The following CMTM7 variants were observed in gnomAD, a reference collection of about 807,000 sequenced individuals.
CMTM7 encodes CKLF-like MARVEL transmembrane domain-containing protein 7.
In CMTM7, 7 loss-of-function variants were observed where a neutral mutation model predicts 19.3. The observed-to-expected ratio is 0.36, with a 90% confidence interval of 0.21 to 0.68. CMTM7 has a LOEUF of 0.68. Ranked by LOEUF, CMTM7 falls within the 30% of genes least tolerant of loss-of-function variation. The pLI is 0.60. For synonymous variants in CMTM7, 87 were observed against 99.3 expected (o/e 0.88, Z 0.74); for missense variants, 193 against 232.6 (o/e 0.83, Z 1.11).
chr3:32,412,164 T>G (rs1696187226), intron 1 of CMTM7, among the ~76,000 whole-genome samples: 1 of 151,930 alleles, frequency 6.6e-6, no homozygotes, highest in Admixed American at 6.6e-5. Context: ...AATGATGCAG[T>G]GGGCATGTTA....
chr3:32,413,241 C>T (rs1260451149), intron 1 of CMTM7, among the ~76,000 whole-genome samples: 1 of 152,154 alleles, frequency 6.6e-6, no homozygotes, highest in African/African-American at 2.4e-5. Flanking sequence ...CGCTGTTTTA[C>T]GGTATGCAGT....
At chr3:32,429,141 T>G (rs1696476507) in intron 1 of CMTM7, among the ~76,000 whole-genome samples, 1 of 152,228 alleles carries the variant, frequency 6.6e-6, no homozygotes, top group Non-Finnish European at 1.5e-5. Context: ...ACAGAATTAT[T>G]ATTTTATAGT....
At position 32,412,480 on chromosome 3, in the gene CMTM7, GACACACACACACACACACAC is replaced by G. The variant is rs3081435; in HGVS notation, c.159+20456_159+20475del. Among the ~76,000 whole-genome samples, 1,068 of 120,468 alleles carry G rather than the reference GACACACACACACACACACAC, an allele frequency of 8.9e-3. 12 individuals carry two copies. The highest frequency in any genetic ancestry group is 0.012 in the Non-Finnish European group (700 of 59,572). 79.0% of individuals were successfully genotyped at this position (120,468 alleles called of 152,430 possible). A position where few individuals can be genotyped will look rare whatever the true frequency, so the allele number is the denominator to read the frequency against. On this transcript the variant is annotated intron_variant, in intron 1 of 4. Transcript: ENST00000334983. The stretch of plus-strand genomic sequence containing the variant: ...CCAGCCTGGGCAACAGATTGAGACT[GACACACACACACACACACAC>G]ACACACACACACACACACACACACA...
chr3:32,415,280 A>G (rs770506565), intron 1 of CMTM7, among the ~76,000 whole-genome samples: 2 of 152,158 alleles, frequency 1.3e-5, no homozygotes, highest in Non-Finnish European at 2.9e-5. Flanking sequence ...TACACTCTCT[A>G]AAGGATGAGA....
At chr3:32,432,068 A>T (rs1214572001) in intron 1 of CMTM7, among the ~76,000 whole-genome samples, 1 of 152,132 alleles carries the variant, frequency 6.6e-6, no homozygotes, top group Non-Finnish European at 1.5e-5. Context: ...CCCTCTTCTG[A>T]GCCTTGGATT....
rs1227119489 is a variant in CMTM7 at position 32,449,498 on chromosome 3, C to T, written c.378C>T (p.Ala126=). Residue 126 remains alanine (A), a synonymous_variant, in exon 3 of 5, where the codon GCC becomes GCT. Transcript: ENST00000334983. This position sits in a 1 kb window ranked among gnomAD's most constrained non-coding sequence, Gnocchi z 4.5. ...YLIGTLLLLI[A]SIVAASKSYN... ...TCGGTACCCTGCTCCTCCTCATCGC[C>T]TCCATTGTGGCAGCTTCCAAGAGTT... is the stretch of plus-strand genomic sequence containing the variant. The T allele has an allele frequency of 1.9e-6, 3 of 1,614,064 alleles. No individual in the cohort carries two copies. Among genetic ancestry groups the T allele is most frequent in the East Asian group, 2.2e-5 (1 of 44,898 alleles).
At chr3:32,392,870 T>G (rs1379622977) in intron 1 of CMTM7, among the ~76,000 whole-genome samples, 6 of 152,222 alleles carry the variant, frequency 3.9e-5, no homozygotes, top group African/African-American at 1.4e-4. Context: ...ATTCTCTTGT[T>G]CCCCACTCTT....
intron 1 of CMTM7, 145 bp downstream of exon 1, chr3:32,392,210 C>T (rs1695846586): frequency 4.8e-6 from 3 of 625,982 alleles, no homozygotes; most frequent in East Asian, 3.6e-5. Flanking sequence ...CGCTAAAGTT[C>T]GCGGCAGGCT....
At chr3:32,450,359 G>A (rs548725840) in intron 3 of CMTM7, among the ~76,000 whole-genome samples, 61 of 152,160 alleles carry the variant, frequency 4.0e-4, no homozygotes, top group African/African-American at 1.3e-3. Context: ...CCAGGAGTTC[G>A]GTCTGGCCTG....
At chr3:32,403,831 G>A (rs1696047575) in intron 1 of CMTM7, among the ~76,000 whole-genome samples, 3 of 152,164 alleles carry the variant, frequency 2.0e-5, no homozygotes, top group Admixed American at 2.0e-4. Flanking sequence ...TTGATGGGCA[G>A]GCTGTGGCAG....
Position 32,455,329 on chromosome 3 carries a change from C to T in CMTM7, c.*1075C>T, listed in dbSNP as rs1696892029. ...CACATTTTTAGAAATGAAATCGGGG[C>T]TCCATCCCCAGGCACAGGGCAAGCC... is the stretch of plus-strand genomic sequence containing the variant. On this transcript the variant is annotated 3_prime_UTR_variant, in exon 5 of 5. Coordinates refer to ENST00000334983, the MANE Select transcript of CMTM7 (RefSeq NM_138410.4). 1 of 152,290 alleles carries T rather than the reference C, an allele frequency of 6.6e-6. No individual in the cohort carries two copies. Among genetic ancestry groups the T allele is most frequent in the African/African-American group, 2.4e-5 (1 of 41,456 alleles). 9.4% of individuals were successfully genotyped at this position (152,290 alleles called of 1,614,324 possible).
intron 3 of CMTM7, 176 bp from the exon 4 acceptor site, chr3:32,452,216 G>A (rs902650858): frequency 4.2e-5 from 63 of 1,509,362 alleles, no homozygotes; most frequent in South Asian, 7.3e-5. Flanking sequence ...GCTGGGCCTC[G>A]CGGGGCTTCC....
chr3:32,402,138 T>G (rs1221042229), intron 1 of CMTM7, among the ~76,000 whole-genome samples: 1 of 152,172 alleles, frequency 6.6e-6, no homozygotes, highest in Non-Finnish European at 1.5e-5. Flanking sequence ...GTCTAAAAAG[T>G]CTTCAGTCTG....
intron 1 of CMTM7, among the ~76,000 whole-genome samples, chr3:32,419,016 A>G (rs1445850152): frequency 6.6e-6 from 1 of 152,236 alleles, no homozygotes; most frequent in African/African-American, 2.4e-5. Context: ...TGAATTAATA[A>G]TATCTATGAA....
intron 1 of CMTM7, among the ~76,000 whole-genome samples, chr3:32,412,461 T>C (rs1696190838): frequency 6.8e-6 from 1 of 146,236 alleles, no homozygotes; most frequent in Non-Finnish European, 1.5e-5. Flanking sequence ...CACTCCAGCC[T>C]GGGCAACAGA....
intron 1 of CMTM7, among the ~76,000 whole-genome samples, chr3:32,434,663 A>T (rs1696570878): frequency 6.6e-6 from 1 of 150,976 alleles, no homozygotes; most frequent in Admixed American, 6.6e-5. Flanking sequence ...AAACCCAGAA[A>T]CTATAAAAAA....
At chr3:32,397,637 G>A (rs1387320305) in intron 1 of CMTM7, among the ~76,000 whole-genome samples, 1 of 152,110 alleles carries the variant, frequency 6.6e-6, no homozygotes, top group East Asian at 1.9e-4. Context: ...GGGAGGCTGA[G>A]GCAGGGGAAT....
chr3:32,442,028 T>C lies in CMTM7; in HGVS notation c.333+15T>C, dbSNP rs1388713041. 3.1e-6 allele frequency: 5 copies of C among 1,613,038 alleles called. No homozygotes were observed. Among genetic ancestry groups the C allele is most frequent in the Admixed American group, 3.3e-5 (2 of 59,994 alleles). On this transcript the variant is annotated intron_variant, in intron 2 of 4. Coordinates refer to ENST00000334983, the MANE Select transcript of CMTM7 (RefSeq NM_138410.4). ...GGCCCCTGTCGGTAAGAGAGTGGTC[T>C]GGCCCTGTCCTCCGCATGCACAAGT...
chr3:32,430,746 G>T (rs1696506385), intron 1 of CMTM7, among the ~76,000 whole-genome samples: 1 of 130,170 alleles, frequency 7.7e-6, no homozygotes, highest in East Asian at 2.2e-4. Flanking sequence ...CTTTGCTTCT[G>T]AGTGTAAAGC....
Sources: gnomAD v4.1 joint callset for allele counts (sites outside exome capture counted in the v4.1 genomes callset) on GRCh38, gnomAD v4.1.1 for gene constraint, Gnocchi (gnomAD v3.1) non-coding constraint, MANE v1.5 for transcripts, NCBI Gene and HGNC (gene_info 2026-07-23, HGNC 2026-07-21) for gene names.